PDE1C: variants seen among roughly 807,000 people sequenced by gnomAD.
PDE1C encodes dual specificity calcium/calmodulin-dependent 3',5'-cyclic nucleotide phosphodiesterase 1C.
In PDE1C, 62 loss-of-function variants were observed where a neutral mutation model predicts 93.1. The observed-to-expected ratio is 0.67, with a 90% confidence interval of 0.54 to 0.82. The LOEUF (loss-of-function observed/expected upper bound fraction) is 0.82, where lower values mean the gene tolerates loss of function less well. Ranked by LOEUF, PDE1C falls within the 40% of genes least tolerant of loss-of-function variation. The probability of loss-of-function intolerance (pLI) is 0.00; values close to 1 mark genes in which losing one functional copy is unlikely to be tolerated. For synonymous variants in PDE1C, 325 were observed against 310.1 expected (o/e 1.05, Z -0.50); for missense variants, 742 against 884.6 (o/e 0.84, Z 2.04).
chr7:31,803,825 C>G (rs1467946419), intron 16 of PDE1C, among the ~76,000 whole-genome samples: 1 of 151,922 alleles, frequency 6.6e-6, no homozygotes, highest in East Asian at 1.9e-4. Flanking sequence ...GGTTCCAAGT[C>G]TTTGCTATTG....
chr7:32,217,956 T>C (rs1806548642), intron 1 of PDE1C, among the ~76,000 whole-genome samples: 1 of 152,162 alleles, frequency 6.6e-6, no homozygotes, highest in Non-Finnish European at 1.5e-5. Flanking sequence ...TGGGATGAAA[T>C]AACTTGCAGT....
chr7:31,840,916 T>C lies in PDE1C; in HGVS notation c.981-2945A>G, dbSNP rs1370959852. 3.9e-5 allele frequency among the ~76,000 whole-genome samples: 6 copies of C among 152,224 alleles called. No homozygotes were observed. In the East Asian group the frequency reaches 1.2e-3, roughly 29 times the overall value. On this transcript the variant is annotated intron_variant, in intron 9 of 17. Transcript: ENST00000396191. Reference sequence around the variant, plus strand: ...TTCTATATAAAGTTTATAATAATCATGGCAATTTCCAACATAATTCTGCTG... The same window carrying C: ...TTCTATATAAAGTTTATAATAATCACGGCAATTTCCAACATAATTCTGCTG...
At chr7:32,340,205 G>C (rs1018471681) in intron 1 of PDE1C, among the ~76,000 whole-genome samples, 1 of 152,238 alleles carries the variant, frequency 6.6e-6, no homozygotes, top group African/African-American at 2.4e-5. Flanking sequence ...TCAGAGGTGG[G>C]GCAGTTATCG....
intron 3 of PDE1C, among the ~76,000 whole-genome samples, chr7:32,133,633 G>A (rs1044808822): frequency 3.9e-5 from 6 of 152,036 alleles, no homozygotes; most frequent in Non-Finnish European, 1.5e-5. Flanking sequence ...CCCACCACAC[G>A]CATGACAGCT....
At chr7:32,169,417 C>A (rs1223316648) in intron 3 of PDE1C, among the ~76,000 whole-genome samples, 1 of 152,158 alleles carries the variant, frequency 6.6e-6, no homozygotes, top group African/African-American at 2.4e-5. Flanking sequence ...ATACACAGGG[C>A]TGAATTAATT....
intron 3 of PDE1C, among the ~76,000 whole-genome samples, chr7:32,085,168 G>C (rs1796990314): frequency 6.6e-6 from 1 of 151,822 alleles, no homozygotes. Context: ...TGATAAAGGA[G>C]ATATCACCAC....
intron 2 of PDE1C, among the ~76,000 whole-genome samples, chr7:32,196,110 G>C (rs533189242): frequency 2.6e-5 from 4 of 152,278 alleles, no homozygotes; most frequent in African/African-American, 9.6e-5. Flanking sequence ...ACATCATGAT[G>C]GGAGGAAGGC....
Position 32,051,596 on chromosome 7 carries a change from T to TA in PDE1C, c.102-17dup. The TA allele has an allele frequency of 6.2e-7, 1 of 1,612,356 alleles. No homozygotes were observed. On this transcript the variant is annotated splice_polypyrimidine_tract_variant and intron_variant, in intron 1 of 17. Transcript: ENST00000396191. ...ATATTTCCTCCTGTAAGAAAAGGCA[T>TA]AAACATATATCAGAAAAGGGTTGTG... is the stretch of plus-strand genomic sequence containing the variant.
chr7:32,134,197 CAGA>C (rs1800079197), intron 3 of PDE1C, among the ~76,000 whole-genome samples: 1 of 151,788 alleles, frequency 6.6e-6, no homozygotes, highest in South Asian at 2.1e-4. Context: ...GTTGGAGTCC[CAGA>C]AGAAGATTTA....
intron 2 of PDE1C, among the ~76,000 whole-genome samples, chr7:31,974,025 A>C (rs1335911958): frequency 1.3e-5 from 2 of 152,210 alleles, no homozygotes; most frequent in Non-Finnish European, 2.9e-5. Context: ...CTTGGATATT[A>C]GTAACTCTCA....
At chr7:32,410,192 G>A (rs1785137253) in intron 1 of PDE1C, among the ~76,000 whole-genome samples, 2 of 152,118 alleles carry the variant, frequency 1.3e-5, no homozygotes, top group Admixed American at 1.3e-4. Context: ...ACCAGGGTGG[G>A]CGTGGTGACA....
chr7:32,389,157 CGTGTGTGTGTGTGTGTGT>C lies in PDE1C; in HGVS notation c.310+38647_310+38664del, dbSNP rs575896243. 3.7e-3 allele frequency among the ~76,000 whole-genome samples: 496 copies of C among 135,780 alleles called. 5 individuals carry two copies. The highest frequency in any genetic ancestry group is 0.013 in the African/African-American group (465 of 35,738). 89.1% of individuals were successfully genotyped at this position (135,780 alleles called of 152,430 possible). ...GAACAACCTTTAAACTGATAGCTGA[CGTGTGTGTGTGTGTGTGT>C]GTGTGTGTGTGTGTGGTTTTTTTGG... is the stretch of plus-strand genomic sequence containing the variant. On this transcript the variant is annotated intron_variant, in intron 1 of 1. Coordinates refer to the PDE1C transcript ENST00000672256.
rs1802056637 is a variant in PDE1C at position 32,163,754 on chromosome 7, G to A, written c.308+6031C>T. ...TTCAGAATTTCCACCACTGCCCAAG[G>A]AGGTCAGGCCCACAGCCAGCATCAC... On this transcript the variant is annotated intron_variant, in intron 3 of 18. Coordinates refer to the PDE1C transcript ENST00000396193. Among the ~76,000 whole-genome samples, 3 of 152,290 alleles carry A rather than the reference G, an allele frequency of 2.0e-5. No homozygotes were observed. The South Asian group carries it at 6.2e-4, about 32-fold the overall frequency.
upstream of PDE1C, among the ~76,000 whole-genome samples, chr7:32,072,304 C>T (rs1165700054): frequency 3.3e-5 from 5 of 152,300 alleles, no homozygotes; most frequent in Non-Finnish European, 5.9e-5. Context: ...TCTGAAGTCG[C>T]CCCATTAAAG....
chr7:32,373,626 G>C (rs1284802769), intron 1 of PDE1C, among the ~76,000 whole-genome samples: 1 of 152,184 alleles, frequency 6.6e-6, no homozygotes, highest in African/African-American at 2.4e-5. Context: ...GTATGATATG[G>C]TATGTGAATT....
At chr7:32,346,509 T>C (rs140533864) in intron 1 of PDE1C, among the ~76,000 whole-genome samples, 1 of 152,324 alleles carries the variant, frequency 6.6e-6, no homozygotes, top group Non-Finnish European at 1.5e-5. Context: ...CCCAGGTGCC[T>C]GTAAGGGTCT....
chr7:31,834,518 G>A (rs1790818046), intron 11 of PDE1C, among the ~76,000 whole-genome samples: 1 of 152,194 alleles, frequency 6.6e-6, no homozygotes, highest in South Asian at 2.1e-4. Context: ...TGACCTGGAT[G>A]TGAGACATAG....
rs1253540053 is a variant in PDE1C, at chr7:32,195,775, AC to A, written c.136+13713del. ...CCTGTTTGAACTGACTTTCTATGGC[AC>A]AGATTAAGCAAAGGAATATGGTGCA... On this transcript the variant is annotated intron_variant, in intron 2 of 18. Coordinates refer to the PDE1C transcript ENST00000396193. Among the ~76,000 whole-genome samples, 7 of 152,298 alleles carry A rather than the reference AC, an allele frequency of 4.6e-5. No individual in the cohort carries two copies. In the South Asian group the frequency reaches 1.0e-3, roughly 23 times the overall value.
chr7:31,715,782 G>T, the PDE1C span, among the ~76,000 whole-genome samples: 1 of 152,190 alleles, frequency 6.6e-6, no homozygotes, highest in East Asian at 1.9e-4. Context: ...ATGTCCCCTT[G>T]TGCACTAAAT....
Sources: allele counts gnomAD v4.1 joint callset (sites outside exome capture counted in the v4.1 genomes callset), GRCh38; gene constraint gnomAD v4.1.1; transcripts MANE v1.5; gene names NCBI Gene and HGNC (gene_info 2026-07-23, HGNC 2026-07-21).